CCT4: variants seen among roughly 807,000 people sequenced by gnomAD.
The protein encoded by CCT4 is T-complex protein 1 subunit delta.
Under a neutral mutation model 62.5 loss-of-function variants are expected in CCT4, and 17 were observed. That is an observed-to-expected ratio of 0.27 (90% CI 0.19 to 0.41). The LOEUF (loss-of-function observed/expected upper bound fraction) is 0.41, where lower values mean the gene tolerates loss of function less well. Among genes scored for constraint, CCT4 ranks in the 10% least tolerant of loss-of-function variants. The pLI, the probability that CCT4 is intolerant of heterozygous loss-of-function variation, is 1.00. For missense variants in CCT4, 592 were observed against 659.2 expected (o/e 0.90, Z 1.12); for synonymous variants, 250 against 229.9 (o/e 1.09, Z -0.79).
At chr2:61,883,416 CAAAA>C (rs57068738) in intron 3 of CCT4, 39 bp downstream of exon 3, 5,511 of 705,424 alleles carry the variant, frequency 7.8e-3, no homozygotes, top group Middle Eastern at 0.011. Context: ...GACTCTGTCT[CAAAA>C]AAAAAAAAAA....
At chr2:61,873,572 T>A (rs749618523) in intron 8 of CCT4, among the ~76,000 whole-genome samples, 16 of 152,184 alleles carry the variant, frequency 1.1e-4, no homozygotes, top group Admixed American at 2.0e-4. Flanking sequence ...TTATTTATTT[T>A]TATTTTTTTG....
chr2:61,887,137 A>G (rs1037780047), intron 1 of CCT4, among the ~76,000 whole-genome samples: 1 of 152,166 alleles, frequency 6.6e-6, no homozygotes, highest in Non-Finnish European at 1.5e-5. Flanking sequence ...ATTATCCTAC[A>G]AACCTTCGTT....
At chr2:61,873,676 C>T (rs962345047) in intron 8 of CCT4, among the ~76,000 whole-genome samples, 3 of 152,040 alleles carry the variant, frequency 2.0e-5, no homozygotes, top group African/African-American at 7.3e-5. Context: ...AGCGATTCTC[C>T]TGCCTCAGCC....
chr2:61,876,420 T>G (rs1265125424), intron 7 of CCT4, among the ~76,000 whole-genome samples, 186 bp from the exon 8 acceptor site: 1 of 152,230 alleles, frequency 6.6e-6, no homozygotes, highest in Non-Finnish European at 1.5e-5. Flanking sequence ...TCTTTTATTT[T>G]CAACTAAGTA....
chr2:61,880,253 T>C, intron 4 of CCT4, 33 bp downstream of exon 4: 1 of 1,173,272 alleles, frequency 8.5e-7, no homozygotes, highest in Non-Finnish European at 1.2e-6. Flanking sequence ...TTTAAACTTT[T>C]CTTTATTCAG....
At chr2:61,882,166 C>T (rs576826450) in intron 3 of CCT4, among the ~76,000 whole-genome samples, 95 of 152,246 alleles carry the variant, frequency 6.2e-4, no homozygotes, top group Non-Finnish European at 1.0e-3. Context: ...CTCCTGACCT[C>T]AGGTGATCCA....
intron 1 of CCT4, among the ~76,000 whole-genome samples, chr2:61,886,670 TTGTC>T (rs1199695273): frequency 5.3e-5 from 8 of 152,290 alleles, no homozygotes; most frequent in Admixed American, 3.9e-4. Context: ...TTTCAGTTCT[TTGTC>T]TGCTTTTGTT....
chr2:61,885,548 C>CT (rs1217295254), intron 1 of CCT4, among the ~76,000 whole-genome samples: 1 of 151,978 alleles, frequency 6.6e-6, no homozygotes, highest in Non-Finnish European at 1.5e-5. Flanking sequence ...GTAGCTGGGA[C>CT]TACAGGCACG....
chr2:61,880,376 C>A lies in CCT4; in HGVS notation c.289G>T (p.Ala97Ser). The A allele has an allele frequency of 6.2e-7, 1 of 1,601,336 alleles. No individual in the cohort carries two copies. Among genetic ancestry groups the A allele is most frequent in the East Asian group, 2.2e-5 (1 of 44,584 alleles). The change falls in exon 4 of 14, where the codon GCT (alanine) becomes TCT (serine). Residue 97 changes from alanine (A) to serine (S), a missense_variant. Physicochemically the swap from Ala to Ser is moderately conservative, Grantham distance 99. This residue lies in a region of CCT4 where 522 missense variants were observed against 571.2 expected (regional missense o/e 0.91). Transcript: ENST00000394440. ...AARMLVELSK[A>S]QDIEAGDGTT... is the part of the protein sequence containing the mutation. ...CCATCTCCTGCTTCTATATCTTGAG[C>A]CTTAGACAGCTCCACCAGCTAAGTG...
At chr2:61,873,528 G>A (rs1377390299) in intron 8 of CCT4, among the ~76,000 whole-genome samples, 3 of 151,892 alleles carry the variant, frequency 2.0e-5, no homozygotes, top group African/African-American at 2.4e-5. Flanking sequence ...TAAAACACAC[G>A]AAATAACTAG....
intron 4 of CCT4, among the ~76,000 whole-genome samples, chr2:61,879,255 ACTTT>A (rs1411777136): frequency 5.6e-5 from 4 of 70,832 alleles, no homozygotes; most frequent in African/African-American, 1.1e-4. Flanking sequence ...CAAATTTTAT[ACTTT>A]TTTTTTTTTT....
Position 61,888,448 on chromosome 2 carries a change from C to G in CCT4, c.60G>C (p.Gly20=), listed in dbSNP as rs1669313469. Residue 20 remains glycine (G), a synonymous_variant, in exon 1 of 14, where the codon GGG becomes GGC. Coordinates refer to ENST00000394440, the MANE Select transcript of CCT4 (RefSeq NM_006430.4). ...TGTCGCGGTCCTGATAGGCGCCTTT[C>G]CCGCGGCCGCCGGCAGCCCCGGCAG... ...GATAGAAGGR[G]KGAYQDRDKP... 6.2e-7 allele frequency: 1 copy of G among 1,611,418 alleles called. No homozygotes were observed. Among genetic ancestry groups the G allele is most frequent in the Non-Finnish European group, 8.5e-7 (1 of 1,179,220 alleles).
chr2:61,868,665 C>A lies in CCT4; in HGVS notation c.*27G>T. On this transcript the variant is annotated 3_prime_UTR_variant, in exon 14 of 14. Transcript: ENST00000394440. ...CCATTCCAGCCACAATACTGGTGAT[C>A]ATAATGGTGCTAGTCAGTTATCCAG... 6.4e-7 allele frequency: 1 copy of A among 1,557,006 alleles called. No individual in the cohort carries two copies. Among genetic ancestry groups the A allele is most frequent in the South Asian group, 1.1e-5 (1 of 89,910 alleles).
chr2:61,879,146 G>C, intron 4 of CCT4, 135 bp from the exon 5 acceptor site: 1 of 591,404 alleles, frequency 1.7e-6, no homozygotes, highest in Non-Finnish European at 2.9e-6. Flanking sequence ...TGCTTCAGTT[G>C]TAATATAGTG....
chr2:61,884,356 T>C (rs1402243307), intron 2 of CCT4, among the ~76,000 whole-genome samples: 2 of 152,112 alleles, frequency 1.3e-5, no homozygotes, highest in African/African-American at 4.8e-5. Context: ...CAGGCTGGAG[T>C]GCAGCTGCGC....
In CCT4 at chr2:61,888,417, C is replaced by T; in HGVS notation, c.91G>A (p.Ala31Thr). Residue 31 changes from alanine to threonine, a missense_variant, in exon 1 of 14, where the codon GCC becomes ACC. By Grantham distance (58) the Ala-to-Thr change is moderately conservative (BLOSUM62 0). This residue lies in a region of CCT4 where 67 missense variants were observed against 71.1 expected (regional missense o/e 0.94). Coordinates refer to ENST00000394440, the MANE Select transcript of CCT4 (RefSeq NM_006430.4). ...KGAYQDRDKP[A>T]QIRFSNISAA... ...GAAATGTTGCTGAAGCGGATCTGGG[C>T]TGGCTTGTCGCGGTCCTGATAGGCG... 1 of 1,613,118 alleles carries T rather than the reference C, an allele frequency of 6.2e-7. No homozygotes were observed. The highest frequency in any genetic ancestry group is 8.5e-7 in the Non-Finnish European group (1 of 1,179,674).
At chr2:61,876,353 A>G in intron 7 of CCT4, 119 bp from the exon 8 acceptor site, 1 of 670,534 alleles carries the variant, frequency 1.5e-6, no homozygotes, top group South Asian at 2.7e-5. Flanking sequence ...CAAGTAATAA[A>G]TTATATAGAC....
Position 61,873,119 on chromosome 2 carries a change from A to C in CCT4, c.1015-7T>G, listed in dbSNP as rs777939659. The C allele has an allele frequency of 3.8e-6, 6 of 1,563,892 alleles. No homozygotes were observed. The highest frequency in any genetic ancestry group is 5.3e-6 in the Non-Finnish European group (6 of 1,134,300). Reference sequence around the variant, plus strand: ...CTGGCTTGGTTCCAATTGTCTGGAAAAAACAGTCAAATCCACAAATTAAGA... The same window carrying C: ...CTGGCTTGGTTCCAATTGTCTGGAACAAACAGTCAAATCCACAAATTAAGA... On this transcript the variant is annotated splice_region_variant and splice_polypyrimidine_tract_variant and intron_variant, in intron 9 of 13. Transcript: ENST00000394440.
chr2:61,870,542 G>A (rs1476645078), intron 12 of CCT4, among the ~76,000 whole-genome samples: 1 of 152,032 alleles, frequency 6.6e-6, no homozygotes, highest in East Asian at 1.9e-4. Flanking sequence ...TTTATCCCGG[G>A]ATTACTCCTG....
Sources: gnomAD v4.1 joint callset for allele counts (sites outside exome capture counted in the v4.1 genomes callset) on GRCh38, gnomAD v4.1.1 for gene constraint, gnomAD v4.1.1 regional missense constraint, MANE v1.5 for transcripts, NCBI Gene and HGNC (gene_info 2026-07-23, HGNC 2026-07-21) for gene names.